REV1: variants seen among roughly 807,000 people sequenced by gnomAD.
REV1 encodes translesion synthesis protein REV1.
In REV1, 42 loss-of-function variants were observed where a neutral mutation model predicts 137.4. The ratio of observed to expected loss-of-function variants is 0.31; its 90% CI spans 0.24 to 0.40. The LOEUF (loss-of-function observed/expected upper bound fraction) is 0.40, where lower values mean the gene tolerates loss of function less well. REV1 is among the 10% of genes least tolerant of loss of function. The probability of loss-of-function intolerance (pLI) is 1.00; values close to 1 mark genes in which losing one functional copy is unlikely to be tolerated. For synonymous variants in REV1, 524 were observed against 519.2 expected (o/e 1.01, Z -0.12); for missense variants, 1,282 against 1,490.1 (o/e 0.86, Z 2.30).
intron 14 of REV1, among the ~76,000 whole-genome samples, chr2:99,409,612 G>A (rs902595952): frequency 7.2e-5 from 11 of 152,220 alleles, no homozygotes; most frequent in South Asian, 2.1e-4. Context: ...GGGAGGCTGC[G>A]GTGGGCGGAT....
At chr2:99,405,817 A>T in intron 17 of REV1, 93 bp downstream of exon 17, 4 of 914,292 alleles carry the variant, frequency 4.4e-6, no homozygotes, top group Non-Finnish European at 6.1e-6. Flanking sequence ...CGGATGAAGA[A>T]ATAAAAATGC....
At chr2:99,460,471 T>C (rs1684058119) in intron 3 of REV1, among the ~76,000 whole-genome samples, 1 of 152,208 alleles carries the variant, frequency 6.6e-6, no homozygotes, top group Non-Finnish European at 1.5e-5. Flanking sequence ...TACCAAAATA[T>C]ATATATAGGC....
At chr2:99,484,832 C>T (rs575548280) in intron 1 of REV1, among the ~76,000 whole-genome samples, 9 of 152,244 alleles carry the variant, frequency 5.9e-5, no homozygotes, top group African/African-American at 1.7e-4. Flanking sequence ...CACAGCAGAC[C>T]GGTTATGACC....
chr2:99,416,551 CCTAT>C (rs1438217853), intron 12 of REV1, among the ~76,000 whole-genome samples: 1 of 152,160 alleles, frequency 6.6e-6, no homozygotes, highest in Admixed American at 6.5e-5. Flanking sequence ...ACTCTGCTGC[CCTAT>C]CTTTCAAATC....
At chr2:99,458,795 T>C (rs773421963) in intron 3 of REV1, among the ~76,000 whole-genome samples, 6 of 152,252 alleles carry the variant, frequency 3.9e-5, no homozygotes, top group African/African-American at 1.4e-4. Flanking sequence ...GTTTTATTTA[T>C]ATAACATTCT....
intron 4 of REV1, among the ~76,000 whole-genome samples, chr2:99,448,144 T>C (rs1030616713): frequency 3.9e-5 from 6 of 152,194 alleles, no homozygotes; most frequent in African/African-American, 1.2e-4. Flanking sequence ...AAATACACTA[T>C]ACAAAGGAAC....
chr2:99,490,016 T>C lies in REV1; in HGVS notation c.-210A>G, dbSNP rs1687547019. On this transcript the variant is annotated 5_prime_UTR_variant, in exon 1 of 23. Coordinates refer to ENST00000258428, the MANE Select transcript of REV1 (RefSeq NM_016316.4). The stretch of plus-strand genomic sequence containing the variant: ...AACCCCGCGCGCGCTCCGCGGTGGC[T>C]CTCCGCCCCTCCCCCTCCGGTTAGC... The C allele has an allele frequency of 6.8e-6, 1 of 147,710 alleles. No individual in the cohort carries two copies. Among genetic ancestry groups the C allele is most frequent in the Admixed American group, 6.7e-5 (1 of 14,940 alleles). 9.1% of individuals were successfully genotyped at this position (147,710 alleles called of 1,614,324 possible).
chr2:99,405,942 T>G lies in REV1; in HGVS notation c.2779A>C (p.Asn927His). ...GGTGACGGGACCTCTATACTCAGGT[T>G]AAGTCTCGACTGCACACTGACAGGA... is the stretch of plus-strand genomic sequence containing the variant. ...HTPVSVQSRL[N>H]LSIEVPSPSQ... The change falls in exon 17 of 23, where the codon AAC becomes CAC. Residue 927 changes from asparagine to histidine, a missense_variant. Asn to His is a moderately conservative substitution (Grantham distance 68, BLOSUM62 1). Coordinates refer to ENST00000258428, the MANE Select transcript of REV1 (RefSeq NM_016316.4). 1 of 1,603,592 alleles carries G rather than the reference T, an allele frequency of 6.2e-7. No homozygotes were observed. Among genetic ancestry groups the G allele is most frequent in the East Asian group, 2.2e-5 (1 of 44,632 alleles).
intron 1 of REV1, among the ~76,000 whole-genome samples, chr2:99,485,425 T>G (rs1307235161): frequency 6.6e-6 from 1 of 152,140 alleles, no homozygotes; most frequent in Non-Finnish European, 1.5e-5. Flanking sequence ...AAAAACCCAG[T>G]GAAAGAAGGG....
rs770317922 is a variant in REV1, at chr2:99,404,559, C to A, written c.2930G>T (p.Cys977Phe). ...GDKKKEPVNG[C>F]NTGILPQPVG... ...TGGTTGTGGCAAAATTCCTGTATTA[C>A]AGCCATTTACTGGTTCTTTCTTTTT... is the stretch of plus-strand genomic sequence containing the variant. Residue 977 changes from cysteine (C) to phenylalanine (F), a missense_variant, in exon 18 of 23, where the codon TGT (cysteine) becomes TTT (phenylalanine). By Grantham distance (205) the Cys-to-Phe change is radical (BLOSUM62 -2). This residue lies in a region of REV1 where 135 missense variants were observed against 123.3 expected (regional missense o/e 1.10). Transcript: ENST00000258428. 5 of 1,614,028 alleles carry A rather than the reference C, an allele frequency of 3.1e-6. No individual in the cohort carries two copies. Among genetic ancestry groups the A allele is most frequent in the Non-Finnish European group, 4.2e-6 (5 of 1,180,010 alleles).
intron 3 of REV1, among the ~76,000 whole-genome samples, chr2:99,452,421 TAAA>T (rs577767878): frequency 8.0e-6 from 1 of 125,442 alleles, no homozygotes; most frequent in Non-Finnish European, 1.7e-5. Context: ...AGAGCCTGTC[TAAA>T]AAAAAAAAAA....
intron 1 of REV1, among the ~76,000 whole-genome samples, chr2:99,479,955 T>C (rs986239922): frequency 6.6e-6 from 1 of 151,746 alleles, no homozygotes; most frequent in African/African-American, 2.4e-5. Flanking sequence ...GGATAGAAGG[T>C]AGGATAGAAG....
chr2:99,404,984 A>G (rs1177746008), intron 17 of REV1, among the ~76,000 whole-genome samples: 2 of 152,180 alleles, frequency 1.3e-5, no homozygotes, highest in Non-Finnish European at 2.9e-5. Flanking sequence ...GCCAACAGAT[A>G]TGAATAGCCT....
rs978962737 is a variant in REV1, at chr2:99,462,470, A to G, written c.181+26T>C. ...AATCCTAATAAAAATACATGCCAAAATAGGGTTAAGTAAAAAGTACTCAAC... is the reference window on the plus strand; with the variant it reads ...AATCCTAATAAAAATACATGCCAAAGTAGGGTTAAGTAAAAAGTACTCAAC... On this transcript the variant is annotated intron_variant, in intron 3 of 22. Transcript: ENST00000258428. 44 of 1,582,216 alleles carry G rather than the reference A, an allele frequency of 2.8e-5. 1 individual carries two copies. The East Asian group carries it at 9.9e-4, about 35-fold the overall frequency.
At chr2:99,422,315 G>C (rs1031412849) in intron 10 of REV1, among the ~76,000 whole-genome samples, 1 of 152,216 alleles carries the variant, frequency 6.6e-6, no homozygotes, top group East Asian at 1.9e-4. Context: ...GACAAGAGTT[G>C]CTATGTGGCC....
intron 1 of REV1, among the ~76,000 whole-genome samples, chr2:99,468,552 T>C (rs938013096): frequency 2.0e-5 from 3 of 152,220 alleles, no homozygotes; most frequent in Non-Finnish European, 4.4e-5. Context: ...AAACAAAAAT[T>C]GCCTTCTAGT....
chr2:99,453,669 C>T (rs888083769), intron 3 of REV1, among the ~76,000 whole-genome samples: 5 of 151,688 alleles, frequency 3.3e-5, no homozygotes, highest in Admixed American at 2.6e-4. Context: ...CCAAGGCAGG[C>T]GGATCACAAG....
intron 4 of REV1, among the ~76,000 whole-genome samples, chr2:99,443,114 C>CT (rs1681724560): frequency 6.6e-6 from 1 of 152,192 alleles, no homozygotes; most frequent in Admixed American, 6.5e-5. Context: ...ATTGCAGTAT[C>CT]TAAAACTGAC....
intron 18 of REV1, among the ~76,000 whole-genome samples, chr2:99,404,128 C>T (rs1675911368): frequency 6.6e-6 from 1 of 152,164 alleles, no homozygotes; most frequent in Admixed American, 6.5e-5. Context: ...GTTACTGTCC[C>T]CCATGCAGGA....
Sources: gnomAD v4.1 joint callset for allele counts (sites outside exome capture counted in the v4.1 genomes callset) on GRCh38, gnomAD v4.1.1 for gene constraint, gnomAD v4.1.1 regional missense constraint, MANE v1.5 for transcripts, NCBI Gene and HGNC (gene_info 2026-07-23, HGNC 2026-07-21) for gene names.